Variants in ARFGEF3 observed in about 807,000 individuals in gnomAD.
ARFGEF3 encodes brefeldin A-inhibited guanine nucleotide-exchange protein 3.
Under a neutral mutation model 221.7 loss-of-function variants are expected in ARFGEF3, and 96 were observed. The ratio of observed to expected loss-of-function variants is 0.43; its 90% CI spans 0.37 to 0.51. The LOEUF (loss-of-function observed/expected upper bound fraction) is 0.51. Ranked by LOEUF, ARFGEF3 falls within the 20% of genes least tolerant of loss-of-function variation. The probability of loss-of-function intolerance (pLI) is 0.00; values close to 1 mark genes in which losing one functional copy is unlikely to be tolerated. For synonymous variants in ARFGEF3, 1,145 were observed against 1,126.8 expected (o/e 1.02, Z -0.32); for missense variants, 2,410 against 2,789.9 (o/e 0.86, Z 3.07).
intron 12 of ARFGEF3, among the ~76,000 whole-genome samples, chr6:138,273,223 A>G (rs1212729039): frequency 6.6e-6 from 1 of 152,146 alleles, no homozygotes; most frequent in Non-Finnish European, 1.5e-5. Flanking sequence ...TACTGTTCTT[A>G]TTTTTTATAC....
rs188525611 is a variant in ARFGEF3 at position 138,315,617 on chromosome 6, C to T, written c.4346-1634C>T. On this transcript the variant is annotated intron_variant, in intron 26 of 33. Coordinates refer to ENST00000251691, the MANE Select transcript of ARFGEF3 (RefSeq NM_020340.5). ...CTCTAATCCCAACACTTTGGGAGGC[C>T]GAGGCCGGTGGATCACGAGGTCAGG... Among the ~76,000 whole-genome samples the T allele has an allele frequency of 5.3e-5, 8 of 152,154 alleles. 1 individual carries two copies. The East Asian group carries it at 1.2e-3, about 22-fold the overall frequency.
rs1169302277 is a variant in ARFGEF3, at chr6:138,218,633, G to C, written c.351+8592G>C. ...CTGTAATTATTGTTTCAGATGTAGA[G>C]AATCAGGTTGGCTGTAGCCCTTTAA... On this transcript the variant is annotated intron_variant, in intron 4 of 33. Coordinates refer to ENST00000251691, the MANE Select transcript of ARFGEF3 (RefSeq NM_020340.5). 3 of 761,792 alleles carry C rather than the reference G, an allele frequency of 3.9e-6. No homozygotes were observed. The Admixed American group carries it at 1.2e-4, about 30-fold the overall frequency. 47.2% of individuals were successfully genotyped at this position (761,792 alleles called of 1,614,324 possible).
chr6:138,261,872 T>G (rs1230308465), intron 11 of ARFGEF3, among the ~76,000 whole-genome samples: 1 of 152,190 alleles, frequency 6.6e-6, no homozygotes, highest in Non-Finnish European at 1.5e-5. Flanking sequence ...ATACAATAAT[T>G]ATTCATTGGG....
At chr6:138,321,723 G>T (rs1780030848) in intron 29 of ARFGEF3, among the ~76,000 whole-genome samples, 1 of 152,214 alleles carries the variant, frequency 6.6e-6, no homozygotes, top group African/African-American at 2.4e-5. Context: ...CAATCCCATT[G>T]CTGGGTATAT....
At chr6:138,277,660 A>G (rs1359599769) in intron 12 of ARFGEF3, among the ~76,000 whole-genome samples, 3 of 152,232 alleles carry the variant, frequency 2.0e-5, no homozygotes, top group African/African-American at 4.8e-5. Flanking sequence ...TTAAGGGTCT[A>G]CTATGTACCA....
At chr6:138,255,411 T>C (rs1778657060) in intron 9 of ARFGEF3, 25 bp from the exon 10 acceptor site, 1 of 1,535,796 alleles carries the variant, frequency 6.5e-7, no homozygotes, top group Non-Finnish European at 8.9e-7. Context: ...TGGGGAAAGT[T>C]ACTTTTCTCA....
intron 4 of ARFGEF3, among the ~76,000 whole-genome samples, chr6:138,228,290 C>T (rs984915171): frequency 6.6e-6 from 1 of 150,630 alleles, no homozygotes; most frequent in Non-Finnish European, 1.5e-5. Flanking sequence ...GATTCTCCTG[C>T]CTCAGCCTCC....
rs1247990358 is a variant in ARFGEF3, at chr6:138,311,520, T to C, written c.4200+10T>C. ...CAGGCGCTGCTCTCAGGTAGGGGAA[T>C]GGTCCAGCTGGGCTCCCGGCCTGGA... On this transcript the variant is annotated intron_variant, in intron 25 of 33. Transcript: ENST00000251691. 2 of 1,568,452 alleles carry C rather than the reference T, an allele frequency of 1.3e-6. No individual in the cohort carries two copies. Among genetic ancestry groups the C allele is most frequent in the South Asian group, 2.3e-5 (2 of 85,746 alleles).
intron 11 of ARFGEF3, among the ~76,000 whole-genome samples, chr6:138,262,374 T>C (rs567564026): frequency 1.2e-4 from 19 of 152,096 alleles, no homozygotes; most frequent in Non-Finnish European, 2.8e-4. Context: ...GTATTTTTAG[T>C]AGAGACGTGG....
intron 22 of ARFGEF3, among the ~76,000 whole-genome samples, chr6:138,301,313 G>C (rs1779625345): frequency 6.6e-6 from 1 of 152,212 alleles, no homozygotes; most frequent in Non-Finnish European, 1.5e-5. Flanking sequence ...CTAGAACTTT[G>C]GTTAAGAATA....
chr6:138,175,409 C>T (rs1018320757), intron 2 of ARFGEF3, among the ~76,000 whole-genome samples: 1 of 152,154 alleles, frequency 6.6e-6, no homozygotes, highest in African/African-American at 2.4e-5. Context: ...TCAAGGTCTC[C>T]TTACATGCAT....
In ARFGEF3 at chr6:138,187,841, C is replaced by T. The variant is rs553658498; in HGVS notation, c.137+17128C>T. Among the ~76,000 whole-genome samples, 10 of 152,260 alleles carry T rather than the reference C, an allele frequency of 6.6e-5. No homozygotes were observed. In the East Asian group the frequency reaches 1.9e-3, roughly 29 times the overall value. On this transcript the variant is annotated intron_variant, in intron 2 of 33. Coordinates refer to ENST00000251691, the MANE Select transcript of ARFGEF3 (RefSeq NM_020340.5). ...GTGTCAAGTCACCCTACTAAAAAGG[C>T]ATCGGGTGGAGCCAGCAGTATGTGT...
rs1175697687 is a variant in ARFGEF3 at position 138,339,777 on chromosome 6, T to G, written c.*3291T>G. The G allele has an allele frequency of 2.0e-5, 3 of 152,234 alleles. No homozygotes were observed. In the East Asian group the frequency reaches 5.8e-4, roughly 29 times the overall value. 9.4% of individuals were successfully genotyped at this position (152,234 alleles called of 1,614,324 possible). ...CTGATCTGCTTTTAAAAATAGTTAG[T>G]TAGGCTGCCTTTTTACACCACCTTC... is the stretch of plus-strand genomic sequence containing the variant. On this transcript the variant is annotated 3_prime_UTR_variant, in exon 34 of 34. Transcript: ENST00000251691.
chr6:138,242,843 C>T (rs1778418332), intron 6 of ARFGEF3, 109 bp from the exon 7 acceptor site: 1 of 874,960 alleles, frequency 1.1e-6, no homozygotes, highest in Non-Finnish European at 1.9e-6. Flanking sequence ...GTAGCCGAGC[C>T]CAGGGCACCC....
intron 22 of ARFGEF3, among the ~76,000 whole-genome samples, chr6:138,306,774 A>C (rs1351191974): frequency 6.6e-6 from 1 of 152,148 alleles, no homozygotes; most frequent in Admixed American, 6.5e-5. Context: ...CCATGCTAAA[A>C]AAAAAATTCA....
At position 138,336,301 on chromosome 6, in the gene ARFGEF3, A is replaced by G; in HGVS notation, c.6349A>G (p.Thr2117Ala). 1 of 1,558,862 alleles carries G rather than the reference A, an allele frequency of 6.4e-7. No homozygotes were observed. ...RDAEAQIQAW[T>A]NMVLTVLNQI... ...CTTAAATCTTTTCTCTTAGGCATGG[A>G]CCAACATGGTGCTAACAGTTCTCAA... Residue 2117 changes from threonine (T) to alanine (A), a missense_variant, in exon 34 of 34, where the codon ACC becomes GCC. Thr to Ala is a moderately conservative substitution (Grantham distance 58, BLOSUM62 0). Transcript: ENST00000251691.
At chr6:138,287,044 T>C in intron 16 of ARFGEF3, 30 bp from the exon 17 acceptor site, 2 of 1,560,100 alleles carry the variant, frequency 1.3e-6, no homozygotes, top group Non-Finnish European at 1.7e-6. Context: ...ATATACTCAG[T>C]CAAGAAGTCA....
intron 4 of ARFGEF3, among the ~76,000 whole-genome samples, chr6:138,210,440 A>G (rs4895515): frequency 0.2 from 30,984 of 152,018 alleles, 4,900 homozygotes; most frequent in African/African-American, 0.43. Context: ...CAGTTTAGGG[A>G]CAGAAAGACC....
rs772242542 is a variant in ARFGEF3, at chr6:138,278,513, G to A, written c.2191G>A (p.Ala731Thr). The change falls in exon 13 of 34, where the codon GCA becomes ACA. Residue 731 changes from alanine to threonine, a missense_variant. Ala to Thr is a moderately conservative substitution (Grantham distance 58). This residue lies in a region of ARFGEF3 where 594 missense variants were observed against 734.3 expected (regional missense o/e 0.81). Transcript: ENST00000251691. ...SSLSFQMLMNADSLYTAAHCA... is the reference protein window; with the variant it reads ...SSLSFQMLMNTDSLYTAAHCA... ...CCTCAGCTTCCAGATGCTGATGAACGCAGACAGCCTCTACACAGCTGCACA... is the reference window on the plus strand; with the variant it reads ...CCTCAGCTTCCAGATGCTGATGAACACAGACAGCCTCTACACAGCTGCACA... 5.6e-6 allele frequency: 9 copies of A among 1,613,718 alleles called. No homozygotes were observed. In the Middle Eastern group the frequency reaches 4.9e-4, roughly 88 times the overall value.
Sources: allele counts gnomAD v4.1 joint callset (sites outside exome capture counted in the v4.1 genomes callset), GRCh38; gene constraint gnomAD v4.1.1; regional missense constraint gnomAD v4.1.1; transcripts MANE v1.5; gene names NCBI Gene and HGNC (gene_info 2026-07-23, HGNC 2026-07-21).